SAMD3: variants seen among roughly 807,000 people sequenced by gnomAD.
SAMD3 encodes the protein sterile alpha motif domain containing 3.
A neutral mutation model predicts 58.5 loss-of-function variants in SAMD3; 63 were observed. The ratio of observed to expected loss-of-function variants is 1.08; its 90% CI spans 0.88 to 1.33. SAMD3 has a LOEUF of 1.33. Ranked by LOEUF, SAMD3 falls within the 40% of genes most tolerant of loss-of-function variation. The pLI is 0.00. For synonymous variants in SAMD3, 220 were observed against 210.3 expected (o/e 1.05, Z -0.40); for missense variants, 604 against 608.4 (o/e 0.99, Z 0.08).
At chr6:130,207,003 G>T (rs1306040368) in intron 5 of SAMD3, among the ~76,000 whole-genome samples, 1 of 151,906 alleles carries the variant, frequency 6.6e-6, no homozygotes, top group East Asian at 1.9e-4. Context: ...TAAAAAATTA[G>T]CTGGGCCTGG....
intron 1 of SAMD3, among the ~76,000 whole-genome samples, chr6:130,355,766 G>A (rs1196475607): frequency 1.2e-4 from 18 of 152,158 alleles, no homozygotes; most frequent in Non-Finnish European, 1.5e-4. Flanking sequence ...CAGTAAGAGG[G>A]GTCAGAGACA....
At chr6:130,317,897 A>G (rs1776439700) in intron 1 of SAMD3, among the ~76,000 whole-genome samples, 1 of 152,232 alleles carries the variant, frequency 6.6e-6, no homozygotes, top group South Asian at 2.1e-4. Flanking sequence ...TCTCAGGGTA[A>G]GATTCTCAGA....
chr6:130,304,781 T>C (rs1418308851), intron 2 of SAMD3, among the ~76,000 whole-genome samples: 1 of 152,128 alleles, frequency 6.6e-6, no homozygotes, highest in African/African-American at 2.4e-5. Flanking sequence ...ATTGAGTCTT[T>C]CTAAAAAGAT....
chr6:130,285,850 T>C (rs1775136982), intron 2 of SAMD3, among the ~76,000 whole-genome samples: 1 of 152,110 alleles, frequency 6.6e-6, no homozygotes, highest in Non-Finnish European at 1.5e-5. Context: ...CAAGATTTCA[T>C]AGTTTAGGAG....
chr6:130,200,926 T>C (rs1794599634), intron 5 of SAMD3, among the ~76,000 whole-genome samples: 1 of 152,200 alleles, frequency 6.6e-6, no homozygotes, highest in South Asian at 2.1e-4. Flanking sequence ...GTTGGTCATA[T>C]TCTTCACAAT....
intron 1 of SAMD3, among the ~76,000 whole-genome samples, chr6:130,219,790 C>T (rs542870324): frequency 6.6e-6 from 1 of 152,152 alleles, no homozygotes; most frequent in South Asian, 2.1e-4. Flanking sequence ...CTGAAACAGC[C>T]GTTTTTGCAC....
In SAMD3 at chr6:130,229,759, T is replaced by A. The variant is rs566758947; in HGVS notation, c.-187-6946A>T. Among the ~76,000 whole-genome samples the A allele has an allele frequency of 6.9e-4, 105 of 152,292 alleles. 3 individuals are homozygous for A. In the South Asian group the frequency reaches 0.021, roughly 31 times the overall value. ...TGTTTCCTATCCAACTTCGTATTTT[T>A]AGCGCTTAGTGCTACGTTTGGCACA... is the stretch of plus-strand genomic sequence containing the variant. On this transcript the variant is annotated intron_variant, in intron 2 of 13. Transcript: ENST00000368134.
In SAMD3 at chr6:130,215,148, T is replaced by C. The variant is rs200991138; in HGVS notation, c.79+47A>G. The C allele has an allele frequency of 5.2e-5, 51 of 982,950 alleles. No homozygotes were observed. The African/African-American group carries it at 7.1e-4, about 14-fold the overall frequency. The allele number at this position is 982,950 out of a possible 1,614,324, so 60.9% of individuals were successfully genotyped here. A position where few individuals can be genotyped will look rare whatever the true frequency, so the allele number is the denominator to read the frequency against. ...TTTTCAGTAACAGAGGACACCAGAA[T>C]ATCTAGGCTGCTCAATTAAAATTTT... On this transcript the variant is annotated intron_variant, in intron 3 of 11. Coordinates refer to ENST00000439090, the MANE Select transcript of SAMD3 (RefSeq NM_001017373.4).
intron 2 of SAMD3, among the ~76,000 whole-genome samples, chr6:130,279,660 C>T (rs946186429): frequency 3.3e-5 from 5 of 151,818 alleles, no homozygotes; most frequent in African/African-American, 1.2e-4. Context: ...AATTTTTGTA[C>T]ATTTAGTACA....
At chr6:130,200,474 G>A (rs767905369) in intron 5 of SAMD3, among the ~76,000 whole-genome samples, 3 of 149,062 alleles carry the variant, frequency 2.0e-5, no homozygotes, top group South Asian at 2.2e-4. Context: ...GCTTGAACCC[G>A]GGAGGCAGAG....
chr6:130,275,900 G>A, intron 2 of SAMD3, among the ~76,000 whole-genome samples: 1 of 152,204 alleles, frequency 6.6e-6, no homozygotes, highest in African/African-American at 2.4e-5. Flanking sequence ...TGGTAGGCTG[G>A]ATAATGGCCC....
intron 2 of SAMD3, among the ~76,000 whole-genome samples, chr6:130,291,390 C>G (rs1213929769): frequency 6.6e-6 from 1 of 152,194 alleles, no homozygotes; most frequent in African/African-American, 2.4e-5. Context: ...CAGGTGTGAG[C>G]CACCATGCCC....
intron 2 of SAMD3, among the ~76,000 whole-genome samples, chr6:130,247,189 G>A (rs886566760): frequency 6.6e-6 from 1 of 152,124 alleles, no homozygotes; most frequent in African/African-American, 2.4e-5. Flanking sequence ...AATGTTCCTG[G>A]CTGGGTGTGG....
At chr6:130,158,256 A>T (rs983823141) in intron 8 of SAMD3, among the ~76,000 whole-genome samples, 11 of 152,180 alleles carry the variant, frequency 7.2e-5, no homozygotes, top group African/African-American at 2.7e-4. Context: ...CTCAAGAATG[A>T]CCAAGGCATT....
chr6:130,246,654 G>A (rs1429434299), intron 2 of SAMD3, among the ~76,000 whole-genome samples: 1 of 152,192 alleles, frequency 6.6e-6, no homozygotes, highest in African/African-American at 2.4e-5. Context: ...ACTTTGGGAA[G>A]CTGAGGCGGG....
At chr6:130,305,328 T>A (rs1430873035) in intron 2 of SAMD3, among the ~76,000 whole-genome samples, 3 of 152,204 alleles carry the variant, frequency 2.0e-5, no homozygotes, top group African/African-American at 7.2e-5. Context: ...TTCTGTGGGT[T>A]TTATGTGTAA....
chr6:130,224,839 C>T (rs977626250), upstream of SAMD3, among the ~76,000 whole-genome samples: 7 of 151,876 alleles, frequency 4.6e-5, no homozygotes, highest in African/African-American at 9.7e-5. Context: ...AGGATGATCT[C>T]GATCTCCTGA....
At chr6:130,181,406 G>T (rs575993217) in intron 7 of SAMD3, among the ~76,000 whole-genome samples, 1 of 152,082 alleles carries the variant, frequency 6.6e-6, no homozygotes, top group Non-Finnish European at 1.5e-5. Context: ...ACACACACTC[G>T]CAGGGAGAAT....
At chr6:130,250,274 C>T (rs982377525) in intron 2 of SAMD3, among the ~76,000 whole-genome samples, 1 of 152,102 alleles carries the variant, frequency 6.6e-6, no homozygotes, top group African/African-American at 2.4e-5. Context: ...CCAAAGCTTT[C>T]CCCCTCCTAT....
Sources: gnomAD v4.1 joint callset for allele counts (sites outside exome capture counted in the v4.1 genomes callset) on GRCh38, gnomAD v4.1.1 for gene constraint, MANE v1.5 for transcripts, NCBI Gene and HGNC (gene_info 2026-07-23, HGNC 2026-07-21) for gene names.